ZBTB20: variants seen among roughly 807,000 people sequenced by gnomAD.
The protein encoded by ZBTB20 is zinc finger and BTB domain-containing protein 20.
A neutral mutation model predicts 56.9 loss-of-function variants in ZBTB20; 9 were observed. That is an observed-to-expected ratio of 0.16 (90% CI 0.10 to 0.28). ZBTB20 has a LOEUF of 0.28. Among genes scored for constraint, ZBTB20 ranks in the 10% least tolerant of loss-of-function variants. The pLI is 1.00. For missense variants in ZBTB20, 655 were observed against 1,003.0 expected, an observed-to-expected ratio of 0.65 and a Z score of 4.69; for synonymous variants, 417 against 420.7, an observed-to-expected ratio of 0.99 and a Z score of 0.11.
At chr3:114,815,630 A>G (rs72956265) in intron 4 of ZBTB20, among the ~76,000 whole-genome samples, 4,260 of 152,272 alleles carry the variant, frequency 0.028, 122 homozygotes, top group African/African-American at 0.071. Context: ...ATAGCCCTGC[A>G]ATTGATCATT....
chr3:115,065,914 G>A (rs2082191276), intron 2 of ZBTB20, among the ~76,000 whole-genome samples: 1 of 152,048 alleles, frequency 6.6e-6, no homozygotes, highest in African/African-American at 2.4e-5. Context: ...TAACACATTT[G>A]AATAAGCCAA....
intron 2 of ZBTB20, among the ~76,000 whole-genome samples, chr3:114,986,225 G>A (rs960830061): frequency 2.0e-5 from 3 of 151,954 alleles, no homozygotes; most frequent in Non-Finnish European, 2.9e-5. Flanking sequence ...TATCACTGCC[G>A]CCTAATCCTG....
chr3:114,864,882 C>G (rs2075698417), intron 4 of ZBTB20, among the ~76,000 whole-genome samples: 1 of 152,118 alleles, frequency 6.6e-6, no homozygotes, highest in Non-Finnish European at 1.5e-5. Flanking sequence ...CACACTTCTT[C>G]AATCTGCATA....
At chr3:114,484,819 GCGCGTGCA>G (rs2041940937) in intron 7 of ZBTB20, among the ~76,000 whole-genome samples, 3 of 150,740 alleles carry the variant, frequency 2.0e-5, no homozygotes, top group African/African-American at 7.4e-5. Flanking sequence ...GTGTGTGTGT[GCGCGTGCA>G]TGTGTGTGTG....
At chr3:115,020,301 C>T (rs183454956) in intron 2 of ZBTB20, among the ~76,000 whole-genome samples, 6 of 151,066 alleles carry the variant, frequency 4.0e-5, no homozygotes, top group East Asian at 3.9e-4. Context: ...AATTACCAAA[C>T]GTAATACCAA....
chr3:114,679,525 A>G (rs922145430), intron 6 of ZBTB20, among the ~76,000 whole-genome samples: 3 of 152,228 alleles, frequency 2.0e-5, no homozygotes, highest in Admixed American at 2.0e-4. Flanking sequence ...CAAAAAACAT[A>G]TGAAAAAAAC....
intron 7 of ZBTB20, among the ~76,000 whole-genome samples, chr3:114,422,135 G>C (rs56354910): frequency 6.6e-6 from 1 of 152,132 alleles, no homozygotes; most frequent in Non-Finnish European, 1.5e-5. Context: ...CGGCATGATA[G>C]AGGGTAAAAT....
chr3:114,584,798 G>C (rs960323700), intron 6 of ZBTB20, among the ~76,000 whole-genome samples: 1 of 152,132 alleles, frequency 6.6e-6, no homozygotes, highest in Non-Finnish European at 1.5e-5. Context: ...GCACCAGCCA[G>C]AAAATAAGTA....
intron 2 of ZBTB20, among the ~76,000 whole-genome samples, chr3:114,975,261 ATCTC>A (rs1261481053): frequency 6.6e-6 from 1 of 152,152 alleles, no homozygotes. Context: ...TTAGAAAATG[ATCTC>A]TCTAAATTTG....
chr3:114,612,254 G>A (rs1472357182), intron 6 of ZBTB20, among the ~76,000 whole-genome samples: 1 of 152,090 alleles, frequency 6.6e-6, no homozygotes, highest in African/African-American at 2.4e-5. Flanking sequence ...GCAGATTCTT[G>A]TAGTACTCAC....
At chr3:115,096,920 T>C (rs2083400269) in intron 1 of ZBTB20, among the ~76,000 whole-genome samples, 1 of 152,236 alleles carries the variant, frequency 6.6e-6, no homozygotes, top group South Asian at 2.1e-4. Context: ...TGCCATTTAT[T>C]TGTTAACATT....
At position 114,502,340 on chromosome 3, in the gene ZBTB20, C is replaced by T. The variant is rs144624661; in HGVS notation, c.-294-1949G>A. On this transcript the variant is annotated intron_variant, in intron 6 of 11. Coordinates refer to ENST00000675478, the MANE Select transcript of ZBTB20 (RefSeq NM_001348800.3). The stretch of plus-strand genomic sequence containing the variant: ...AGACATCACCCTTCCTGGAAAGTTT[C>T]TGGGACAACTGCACTATTGTAGAGA... Among the ~76,000 whole-genome samples the T allele has an allele frequency of 1.2e-3, 183 of 152,270 alleles. 2 individuals carry two copies. The East Asian group carries it at 0.022, about 18-fold the overall frequency.
At chr3:114,618,699 A>C (rs2058105504) in intron 6 of ZBTB20, among the ~76,000 whole-genome samples, 1 of 152,230 alleles carries the variant, frequency 6.6e-6, no homozygotes, top group Non-Finnish European at 1.5e-5. Context: ...TATTATCCTC[A>C]TTAGACAAAT....
chr3:114,389,107 T>G lies in ZBTB20; in HGVS notation c.-254-2A>C, dbSNP rs1278646502. 6.6e-6 allele frequency: 1 copy of G among 152,174 alleles called. No homozygotes were observed. Among genetic ancestry groups the G allele is most frequent in the Admixed American group, 6.5e-5 (1 of 15,272 alleles). The allele number at this position is 152,174 out of a possible 1,614,324, so 9.4% of individuals were successfully genotyped here. ...GCAGGGAGCAGAGAGCGGCTGCATC[T>G]AGATCAGACAAAAAACAAAAATAAG... is the stretch of plus-strand genomic sequence containing the variant. On this transcript the variant is annotated splice_acceptor_variant, in intron 7 of 11. Coordinates refer to ENST00000675478, the MANE Select transcript of ZBTB20 (RefSeq NM_001348800.3). LOFTEE classifies it low-confidence loss of function (5UTR_SPLICE).
At chr3:114,773,867 A>G (rs2069397764) in intron 5 of ZBTB20, among the ~76,000 whole-genome samples, 1 of 152,200 alleles carries the variant, frequency 6.6e-6, no homozygotes, top group South Asian at 2.1e-4. Context: ...TTCAAAAACT[A>G]TGATTATTTA....
chr3:114,610,491 A>G (rs2057468896), intron 6 of ZBTB20, among the ~76,000 whole-genome samples: 2 of 152,204 alleles, frequency 1.3e-5, no homozygotes, highest in African/African-American at 2.4e-5. Flanking sequence ...GTGCAGACAG[A>G]CAGGTTTGAC....
intron 7 of ZBTB20, among the ~76,000 whole-genome samples, chr3:114,389,803 C>A (rs1220610782): frequency 6.8e-6 from 1 of 146,202 alleles, no homozygotes; most frequent in Non-Finnish European, 1.5e-5. Flanking sequence ...GCAGGGGAAT[C>A]GCTTGAACCC....
chr3:114,510,264 G>A (rs1238552530), intron 6 of ZBTB20, among the ~76,000 whole-genome samples: 2 of 152,116 alleles, frequency 1.3e-5, no homozygotes, highest in Non-Finnish European at 2.9e-5. Context: ...GGCCTGAGCC[G>A]ACACTTCAAG....
intron 1 of ZBTB20, among the ~76,000 whole-genome samples, chr3:115,145,799 T>C (rs908214532): frequency 1.3e-5 from 2 of 152,180 alleles, no homozygotes; most frequent in African/African-American, 4.8e-5. Flanking sequence ...AGATGACTGG[T>C]TATCACTTAA....
Sources: allele counts gnomAD v4.1 joint callset (sites outside exome capture counted in the v4.1 genomes callset), GRCh38; gene constraint gnomAD v4.1.1; transcripts MANE v1.5; gene names NCBI Gene and HGNC (gene_info 2026-07-23, HGNC 2026-07-21).